The following CARD10 variants were observed in gnomAD, a reference collection of about 807,000 sequenced individuals.
CARD10 encodes the protein caspase recruitment domain family member 10, also known as caspase recruitment domain-containing protein 10.
CARD10 carries 49 observed loss-of-function variants against 114.6 expected under a neutral mutation model. The ratio of observed to expected loss-of-function variants is 0.43; its 90% CI spans 0.34 to 0.54. The LOEUF (loss-of-function observed/expected upper bound fraction) is 0.54. Among genes scored for constraint, CARD10 ranks in the 20% least tolerant of loss-of-function variants. The pLI is 0.03. For missense variants in CARD10, 1,206 were observed against 1,397.2 expected, an observed-to-expected ratio of 0.86 and a Z score of 2.18; for synonymous variants, 602 against 593.2, an observed-to-expected ratio of 1.01 and a Z score of -0.21.
At chr22:37,497,908 T>G (rs981303210) in intron 11 of CARD10, among the ~76,000 whole-genome samples, 2 of 150,596 alleles carry the variant, frequency 1.3e-5, no homozygotes, top group Non-Finnish European at 2.9e-5. Flanking sequence ...GAGGTCACCA[T>G]TAGCACGTGG....
chr22:37,494,235 C>T (rs1922911026), intron 15 of CARD10, 47 bp from the exon 16 acceptor site: 1 of 1,343,212 alleles, frequency 7.4e-7, no homozygotes, highest in African/African-American at 1.5e-5. Flanking sequence ...TCAGCCCCGC[C>T]CCCTCAGGGA....
rs1228879772 is a variant in CARD10, at chr22:37,507,971, G to A, written c.1066-17C>T. On this transcript the variant is annotated splice_polypyrimidine_tract_variant and intron_variant, in intron 5 of 19. Transcript: ENST00000251973. ...CTGCAGGTACTGAGGGTGGCACGGGGCGGGGTCAGACCACAGGGCTGGGGA... is the reference window on the plus strand; with the variant it reads ...CTGCAGGTACTGAGGGTGGCACGGGACGGGGTCAGACCACAGGGCTGGGGA... The A allele has an allele frequency of 6.2e-7, 1 of 1,613,752 alleles. No individual in the cohort carries two copies. Among genetic ancestry groups the A allele is most frequent in the East Asian group, 2.2e-5 (1 of 44,872 alleles).
At chr22:37,511,188 G>C (rs1372486879) in intron 3 of CARD10, among the ~76,000 whole-genome samples, 2 of 151,098 alleles carry the variant, frequency 1.3e-5, no homozygotes, top group Middle Eastern at 3.5e-3. Flanking sequence ...ACCTCGTCTC[G>C]ACAAAAAAAA....
rs971892365 is a variant in CARD10, at chr22:37,519,303, C to T, written c.-103G>A. 2.2e-6 allele frequency: 3 copies of T among 1,344,668 alleles called. No homozygotes were observed. The highest frequency in any genetic ancestry group is 3.1e-5 in the African/African-American group (2 of 64,808). 83.3% of individuals were successfully genotyped at this position (1,344,668 alleles called of 1,614,324 possible). On this transcript the variant is annotated 5_prime_UTR_variant, in exon 1 of 20. Transcript: ENST00000251973. The surrounding 1 kb of genome is among the most constrained non-coding windows in gnomAD (Gnocchi z 4.1). ...GCACCCCCGGGGCGTCGTCCGCAGA[C>T]CCGCCGTCGGGGGCGCGCCCCGAGC...
chr22:37,492,499 T>A lies in CARD10; in HGVS notation c.2687A>T (p.Lys896Met), dbSNP rs1158114465. 1.9e-6 allele frequency: 3 copies of A among 1,604,664 alleles called. No homozygotes were observed. The African/African-American group carries it at 4.0e-5, about 21-fold the overall frequency. Reference sequence around the variant, plus strand: ...TAGCCCAGGGGTGGCAGGCTGAGCCTTGGGGGCTCCAGGCGCTGAGGATGG... The same window carrying A: ...TAGCCCAGGGGTGGCAGGCTGAGCCATGGGGGCTCCAGGCGCTGAGGATGG... ...LCPSSAPGAP[K>M]AQPATPGLGS... The change falls in exon 18 of 20, where the codon AAG becomes ATG. Residue 896 changes from lysine to methionine, a missense_variant. Around this residue, in one of 2 missense-constraint regions of CARD10, gnomAD observed 1,068 missense variants for 1,179.1 expected, o/e 0.91. Coordinates refer to ENST00000251973, the MANE Select transcript of CARD10 (RefSeq NM_014550.4). This position sits in a 1 kb window ranked among gnomAD's most constrained non-coding sequence, Gnocchi z 5.7.
chr22:37,508,397 C>T, intron 5 of CARD10, 130 bp downstream of exon 5: 2 of 1,085,440 alleles, frequency 1.8e-6, no homozygotes, highest in Non-Finnish European at 2.6e-6. Flanking sequence ...CCTCCGTCAA[C>T]ATCTGAGAAC....
At chr22:37,513,535 C>A (rs1158363761) in intron 3 of CARD10, among the ~76,000 whole-genome samples, 5 of 152,146 alleles carry the variant, frequency 3.3e-5, no homozygotes, top group Non-Finnish European at 5.9e-5. Flanking sequence ...CCCAGCAGCC[C>A]CCAGATGGCC....
At chr22:37,516,622 G>A in intron 2 of CARD10, among the ~76,000 whole-genome samples, 1 of 152,192 alleles carries the variant, frequency 6.6e-6, no homozygotes, top group Non-Finnish European at 1.5e-5. Context: ...AAATCAATAA[G>A]ATCAACAACC....
intron 19 of CARD10, among the ~76,000 whole-genome samples, 145 bp downstream of exon 19, chr22:37,491,582 AGGGAGAGAGAGGGGGAGAAGGAGGGGGG>A: frequency 9.1e-4 from 1 of 1,102 alleles, no homozygotes; most frequent in Admixed American, 7.5e-3. Context: ...GGGAGGGGGG[AGGGAGAGAGAGGGGGAGAAGGAGGGGGG>A]AGGGGGAGGG....
chr22:37,508,676 T>C lies in CARD10; in HGVS notation c.916A>G (p.Ser306Gly). The C allele has an allele frequency of 6.4e-7, 1 of 1,560,658 alleles. No homozygotes were observed. Reference protein sequence around the residue: ...ELQEGLQQEASRPGAPGSERI... With the variant: ...ELQEGLQQEAGRPGAPGSERI... ...TCGGAGCCCGGGGCCCCCGGCCGGC[T>C]CGCCTCCTGGGGATCACAGGGCAGG... Residue 306 changes from serine (S) to glycine (G), a missense_variant, in exon 5 of 20, where the codon AGC becomes GGC. This residue lies in a region of CARD10 where 1,068 missense variants were observed against 1,179.1 expected (regional missense o/e 0.91). Coordinates refer to ENST00000251973, the MANE Select transcript of CARD10 (RefSeq NM_014550.4).
Position 37,492,728 on chromosome 22 carries a change from A to G in CARD10, c.2551T>C (p.Leu851=). Residue 851 remains leucine (L), a synonymous_variant, in exon 17 of 20, where the codon TTG becomes CTG. Coordinates refer to ENST00000251973, the MANE Select transcript of CARD10 (RefSeq NM_014550.4). This position sits in a 1 kb window ranked among gnomAD's most constrained non-coding sequence, Gnocchi z 5.7. ...AGCCGGGGCGCCAGGCACTCAGGCA[A>G]CAGCACCACGGGCCGCAGGGCAGAC... ...LVSALRPVVL[L]PECLAPRLIR... 6.2e-7 allele frequency: 1 copy of G among 1,613,050 alleles called. No individual in the cohort carries two copies. Among genetic ancestry groups the G allele is most frequent in the Non-Finnish European group, 8.5e-7 (1 of 1,179,924 alleles).
Position 37,519,378 on chromosome 22 carries a change from G to T in CARD10, c.-178C>A, listed in dbSNP as rs1923955756. On this transcript the variant is annotated 5_prime_UTR_variant, in exon 1 of 20. Coordinates refer to ENST00000251973, the MANE Select transcript of CARD10 (RefSeq NM_014550.4). This position sits in a 1 kb window ranked among gnomAD's most constrained non-coding sequence, Gnocchi z 4.1. ...ACAGTCGCCTCGGGCTCCCGGGTCC[G>T]CACTCGGGCGGCGGCTCCGCCGGCG... 4 of 1,215,596 alleles carry T rather than the reference G, an allele frequency of 3.3e-6. No homozygotes were observed. Among genetic ancestry groups the T allele is most frequent in the Middle Eastern group, 3.2e-4 (1 of 3,130 alleles). 75.3% of individuals were successfully genotyped at this position (1,215,596 alleles called of 1,614,324 possible).
intron 16 of CARD10, among the ~76,000 whole-genome samples, chr22:37,493,008 G>A (rs148026846): frequency 1.1e-3 from 160 of 152,202 alleles, no homozygotes; most frequent in African/African-American, 3.5e-3. Flanking sequence ...TGCCCCCTAC[G>A]GGTCATTCTC....
In CARD10 at chr22:37,501,900, G is replaced by A. The variant is rs980657351; in HGVS notation, c.1787+702C>T. Among the ~76,000 whole-genome samples the A allele has an allele frequency of 5.3e-5, 8 of 152,056 alleles. No homozygotes were observed. Among genetic ancestry groups the A allele is most frequent in the South Asian group, 2.1e-4 (1 of 4,824 alleles). On this transcript the variant is annotated intron_variant, in intron 11 of 19. Transcript: ENST00000251973. The surrounding 1 kb of genome is among the most constrained non-coding windows in gnomAD (Gnocchi z 5.4). ...CCTGACTCAGGAAGCCTTGACTTTC[G>A]CCCTTCCCCCTCGCTCCTCCTCCAC...
rs1372086192 is a variant in CARD10 at position 37,519,357 on chromosome 22, T to C, written c.-157A>G. The C allele has an allele frequency of 8.1e-7, 1 of 1,239,528 alleles. No homozygotes were observed. Among genetic ancestry groups the C allele is most frequent in the Non-Finnish European group, 1.0e-6 (1 of 992,316 alleles). The allele number at this position is 1,239,528 out of a possible 1,614,324, so 76.8% of individuals were successfully genotyped here. On this transcript the variant is annotated 5_prime_UTR_variant, in exon 1 of 20. Transcript: ENST00000251973. This position sits in a 1 kb window ranked among gnomAD's most constrained non-coding sequence, Gnocchi z 4.1. ...CCGCGACTCACCCCGCACGCTACAG[T>C]CGCCTCGGGCTCCCGGGTCCGCACT...
At chr22:37,509,039 A>G in intron 4 of CARD10, 1 of 1,550,068 alleles carries the variant, frequency 6.5e-7, no homozygotes, top group Non-Finnish European at 8.7e-7. Context: ...GCCATTCCCA[A>G]GACCTACTCC....
In CARD10 at chr22:37,495,974, C is replaced by A. The variant is rs771555352; in HGVS notation, c.2089G>T (p.Ala697Ser). The change falls in exon 14 of 20, where the codon GCC (alanine) becomes TCC (serine). Residue 697 changes from alanine to serine, a missense_variant. Physicochemically the swap from Ala to Ser is moderately conservative, Grantham distance 99 (BLOSUM62 1). Coordinates refer to ENST00000251973, the MANE Select transcript of CARD10 (RefSeq NM_014550.4). Reference sequence around the variant, plus strand: ...TCGGCACCTGGTCCCTTTGCCCAGGCTTCTAGGGCCTCGTGGAAGGACTGG... The same window carrying A: ...TCGGCACCTGGTCCCTTTGCCCAGGATTCTAGGGCCTCGTGGAAGGACTGG... The part of the protein sequence containing the change: ...ACQSFHEALE[A>S]WAKGPGAEPF... 8.7e-6 allele frequency: 14 copies of A among 1,614,010 alleles called. No homozygotes were observed. Among genetic ancestry groups the A allele is most frequent in the African/African-American group, 6.7e-5 (5 of 75,070 alleles).
chr22:37,517,729 A>T (rs947116135), intron 2 of CARD10, among the ~76,000 whole-genome samples: 11 of 152,192 alleles, frequency 7.2e-5, no homozygotes, highest in African/African-American at 2.7e-4. Context: ...ATATGTCTGA[A>T]AACAGTATCA....
chr22:37,504,021 T>C (rs1387358596), intron 9 of CARD10, 165 bp downstream of exon 9: 2 of 719,990 alleles, frequency 2.8e-6, no homozygotes, highest in Non-Finnish European at 5.1e-6. Flanking sequence ...TGGTCGCCCC[T>C]GTGACTCACA....
Sources: allele counts gnomAD v4.1 joint callset (sites outside exome capture counted in the v4.1 genomes callset), GRCh38; gene constraint gnomAD v4.1.1; regional missense constraint gnomAD v4.1.1; non-coding constraint Gnocchi (gnomAD v3.1); transcripts MANE v1.5; gene names NCBI Gene and HGNC (gene_info 2026-07-23, HGNC 2026-07-21).